The following CSMD1 variants were observed in gnomAD, a reference collection of about 807,000 sequenced individuals.
The protein encoded by CSMD1 is CUB and sushi domain-containing protein 1.
In CSMD1, 213 loss-of-function variants were observed where a neutral mutation model predicts 417.5. That is an observed-to-expected ratio of 0.51 (90% CI 0.46 to 0.57). The LOEUF (loss-of-function observed/expected upper bound fraction) is 0.57, where lower values mean the gene tolerates loss of function less well. Among genes scored for constraint, CSMD1 ranks in the 20% least tolerant of loss-of-function variants. The pLI, the probability that CSMD1 is intolerant of heterozygous loss-of-function variation, is 0.00. For missense variants in CSMD1, 6,923 were observed against 4,529.7 expected, an observed-to-expected ratio of 1.53 and a Z score of -15.17; for synonymous variants, 2,862 against 1,736.8, an observed-to-expected ratio of 1.65 and a Z score of -16.11.
intron 49 of CSMD1, among the ~76,000 whole-genome samples, chr8:3,070,223 A>G (rs1290084886): frequency 1.3e-5 from 2 of 152,212 alleles, no homozygotes; most frequent in Non-Finnish European, 2.9e-5. Flanking sequence ...GTTTTGGAAT[A>G]TTAGCACTTA....
chr8:3,469,854 A>G (rs564332444), intron 11 of CSMD1, among the ~76,000 whole-genome samples: 1 of 152,340 alleles, frequency 6.6e-6, no homozygotes, highest in Non-Finnish European at 1.5e-5. Flanking sequence ...TATTTCTGTG[A>G]ATGCTGTGTG....
chr8:4,304,993 G>C (rs1374191458), intron 3 of CSMD1, among the ~76,000 whole-genome samples: 1 of 152,152 alleles, frequency 6.6e-6, no homozygotes, highest in Non-Finnish European at 1.5e-5. Flanking sequence ...GCCAATGCCT[G>C]TTCTTACAGG....
chr8:4,420,149 T>A lies in CSMD1; in HGVS notation c.303-84A>T, dbSNP rs558265064. 3.0e-5 allele frequency: 26 copies of A among 876,222 alleles called. No individual in the cohort carries two copies. In the South Asian group the frequency reaches 3.3e-4, roughly 11 times the overall value. 54.3% of individuals were successfully genotyped at this position (876,222 alleles called of 1,614,324 possible). A position where few individuals can be genotyped will look rare whatever the true frequency, so the allele number is the denominator to read the frequency against. On this transcript the variant is annotated intron_variant, in intron 2 of 69. Coordinates refer to ENST00000635120, the MANE Select transcript of CSMD1 (RefSeq NM_033225.6). Reference sequence around the variant, plus strand: ...TTATTTGATGAAGTCACTGAATAACTTGAACAGTGGTATATTCACTTGAAA... The same window carrying A: ...TTATTTGATGAAGTCACTGAATAACATGAACAGTGGTATATTCACTTGAAA...
intron 1 of CSMD1, among the ~76,000 whole-genome samples, chr8:4,684,040 AT>A (rs1240358278): frequency 6.6e-6 from 1 of 152,226 alleles, no homozygotes; most frequent in Non-Finnish European, 1.5e-5. Flanking sequence ...GTATGATGGC[AT>A]TTTACAATTT....
chr8:3,273,158 T>C (rs542748544), intron 26 of CSMD1, among the ~76,000 whole-genome samples: 72 of 151,508 alleles, frequency 4.8e-4, no homozygotes, highest in Non-Finnish European at 3.5e-4. Context: ...TTGAATTTTG[T>C]CAAAGGCCTT....
At chr8:4,159,950 G>C (rs373548882) in intron 3 of CSMD1, among the ~76,000 whole-genome samples, 86 of 152,132 alleles carry the variant, frequency 5.7e-4, no homozygotes, top group African/African-American at 1.9e-3. Context: ...GAAAGGGTGG[G>C]AGGGGGTGAG....
At chr8:4,259,849 T>C (rs1166864008) in intron 3 of CSMD1, among the ~76,000 whole-genome samples, 2 of 152,204 alleles carry the variant, frequency 1.3e-5, no homozygotes, top group Non-Finnish European at 2.9e-5. Context: ...TTGGAATTCA[T>C]CCACCTTAAA....
At chr8:4,263,745 G>A (rs1167700175) in intron 3 of CSMD1, among the ~76,000 whole-genome samples, 1 of 152,134 alleles carries the variant, frequency 6.6e-6, no homozygotes, top group Admixed American at 6.6e-5. Context: ...TTTTATGTAT[G>A]TGTTCTAGCT....
chr8:3,101,505 C>A (rs1455421565), intron 46 of CSMD1, among the ~76,000 whole-genome samples: 2 of 152,180 alleles, frequency 1.3e-5, no homozygotes, highest in Non-Finnish European at 2.9e-5. Context: ...TCACTGCAAG[C>A]TCCACCTCCG....
chr8:4,852,614 A>G (rs1210580720), intron 1 of CSMD1, among the ~76,000 whole-genome samples: 5 of 152,206 alleles, frequency 3.3e-5, no homozygotes, highest in South Asian at 2.1e-4. Flanking sequence ...CTATAAAGAT[A>G]CTTGAAAATA....
rs1245575234 is a variant in CSMD1 at position 3,409,559 on chromosome 8, C to T, written c.1608G>A (p.Gly536=). The part of the protein sequence containing the change: ...GCGDPGIPAY[G]KRTGSSFLHG... ...GGAGGAAACTGCTGCCCGTCCGCTT[C>T]CCATAGGCGGGGATTCCAGGATCCC... is the stretch of plus-strand genomic sequence containing the variant. Residue 536 remains glycine (G), a synonymous_variant, in exon 13 of 70, where the codon GGG becomes GGA. Coordinates refer to ENST00000635120, the MANE Select transcript of CSMD1 (RefSeq NM_033225.6). The T allele has an allele frequency of 1.2e-6, 2 of 1,610,520 alleles. No homozygotes were observed. Among genetic ancestry groups the T allele is most frequent in the Non-Finnish European group, 1.7e-6 (2 of 1,178,322 alleles).
At chr8:4,709,825 G>C (rs1263865724) in intron 1 of CSMD1, among the ~76,000 whole-genome samples, 9 of 152,146 alleles carry the variant, frequency 5.9e-5, no homozygotes, top group African/African-American at 1.9e-4. Context: ...ACAGTGTCCA[G>C]TCGTCCCGCA....
chr8:2,974,499 C>A lies in CSMD1; in HGVS notation c.8692G>T (p.Val2898Leu), dbSNP rs780476867. 1.9e-6 allele frequency: 3 copies of A among 1,613,484 alleles called. No homozygotes were observed. The highest frequency in any genetic ancestry group is 2.2e-5 in the South Asian group (2 of 91,018). ...SESLIGNDTR[V>L]CQEDSHWSGA... ...CTCCAGTGACTGTCTTCCTGGCACA[C>A]TCTCGTGTCGTTGCCTATGAGGCTC... The change falls in exon 56 of 70, where the codon GTG becomes TTG. Residue 2898 changes from valine (V) to leucine (L), a missense_variant. Physicochemically the swap from Val to Leu is conservative, Grantham distance 32. Coordinates refer to ENST00000635120, the MANE Select transcript of CSMD1 (RefSeq NM_033225.6).
rs1162449942 is a variant in CSMD1 at position 3,447,104 on chromosome 8, A to T, written c.1561+21608T>A. On this transcript the variant is annotated intron_variant, in intron 12 of 69. Coordinates refer to ENST00000635120, the MANE Select transcript of CSMD1 (RefSeq NM_033225.6). Reference sequence around the variant, plus strand: ...TTATATTTTGAGTACCTCATTAATAAAAGGATTAAGAAAACATCAAAAGCA... The same window carrying T: ...TTATATTTTGAGTACCTCATTAATATAAGGATTAAGAAAACATCAAAAGCA... 3.3e-5 allele frequency among the ~76,000 whole-genome samples: 5 copies of T among 152,216 alleles called. No individual in the cohort carries two copies. In the East Asian group the frequency reaches 9.6e-4, roughly 29 times the overall value.
In CSMD1 at chr8:3,688,023, G is replaced by A. The variant is rs192762285; in HGVS notation, c.1009+20391C>T. 7.9e-5 allele frequency among the ~76,000 whole-genome samples: 12 copies of A among 152,258 alleles called. No homozygotes were observed. The South Asian group carries it at 8.3e-4, about 11-fold the overall frequency. On this transcript the variant is annotated intron_variant, in intron 7 of 69. Transcript: ENST00000635120. Reference sequence around the variant, plus strand: ...TCTTTTAAATCTGCAAATTTTCAGCGTGACCGAAATGGATTGCTTTGCTCA... The same window carrying A: ...TCTTTTAAATCTGCAAATTTTCAGCATGACCGAAATGGATTGCTTTGCTCA...
At chr8:3,362,316 C>A (rs1228528888) in intron 20 of CSMD1, among the ~76,000 whole-genome samples, 2 of 152,202 alleles carry the variant, frequency 1.3e-5, no homozygotes, top group African/African-American at 4.8e-5. Context: ...CTCATCTATT[C>A]AGGCTTTCCT....
At chr8:4,649,822 C>G (rs1585391659) in intron 1 of CSMD1, among the ~76,000 whole-genome samples, 1 of 152,138 alleles carries the variant, frequency 6.6e-6, no homozygotes. Flanking sequence ...CTATTCTGAC[C>G]TGATACTACA....
At chr8:3,518,010 A>G (rs912628979) in intron 10 of CSMD1, among the ~76,000 whole-genome samples, 5 of 152,198 alleles carry the variant, frequency 3.3e-5, no homozygotes, top group Non-Finnish European at 1.5e-5. Context: ...TGAACTTAAG[A>G]AACAACTCTA....
chr8:4,152,569 G>C lies in CSMD1; in HGVS notation c.416-120470C>G, dbSNP rs568780673. Among the ~76,000 whole-genome samples the C allele has an allele frequency of 3.3e-5, 5 of 151,570 alleles. No homozygotes were observed. The East Asian group carries it at 9.8e-4, about 30-fold the overall frequency. On this transcript the variant is annotated intron_variant, in intron 3 of 69. Coordinates refer to ENST00000635120, the MANE Select transcript of CSMD1 (RefSeq NM_033225.6). ...GCTAGTCATGGTGGTGCACACTTGT[G>C]TTCCCAACTCCTTGGGAGGCTTAAG... is the stretch of plus-strand genomic sequence containing the variant.
Sources: allele counts gnomAD v4.1 joint callset (sites outside exome capture counted in the v4.1 genomes callset), GRCh38; gene constraint gnomAD v4.1.1; transcripts MANE v1.5; gene names NCBI Gene and HGNC (gene_info 2026-07-23, HGNC 2026-07-21).